RAB3GAP2: variants seen among roughly 807,000 people sequenced by gnomAD.
RAB3GAP2 encodes the protein rab3 GTPase-activating protein non-catalytic subunit.
Under a neutral mutation model 185.3 loss-of-function variants are expected in RAB3GAP2, and 87 were observed. The ratio of observed to expected loss-of-function variants is 0.47; its 90% CI spans 0.39 to 0.56. The LOEUF is 0.56. Among genes scored for constraint, RAB3GAP2 ranks in the 20% least tolerant of loss-of-function variants. RAB3GAP2 has a pLI of 0.00. For missense variants in RAB3GAP2, 1,492 were observed against 1,638.2 expected, an observed-to-expected ratio of 0.91 and a Z score of 1.54; for synonymous variants, 554 against 576.1, an observed-to-expected ratio of 0.96 and a Z score of 0.55.
chr1:220,204,494 T>C (rs1245751126), intron 8 of RAB3GAP2, among the ~76,000 whole-genome samples: 2 of 152,190 alleles, frequency 1.3e-5, no homozygotes, highest in African/African-American at 2.4e-5. Context: ...CATTTAATTT[T>C]TCACCAAAGT....
At chr1:220,200,454 A>AT (rs1472614737) in intron 9 of RAB3GAP2, 1 of 407,508 alleles carries the variant, frequency 2.5e-6, no homozygotes, top group Non-Finnish European at 5.1e-6. Context: ...TCTAGCACAA[A>AT]TATTAATAGG....
chr1:220,196,643 C>T (rs939363884), intron 9 of RAB3GAP2, among the ~76,000 whole-genome samples: 1 of 151,716 alleles, frequency 6.6e-6, no homozygotes, highest in African/African-American at 2.4e-5. Flanking sequence ...TCAGCCTGGC[C>T]AACATGGTGA....
At chr1:220,188,862 A>G (rs1197592038) in intron 17 of RAB3GAP2, among the ~76,000 whole-genome samples, 1 of 152,206 alleles carries the variant, frequency 6.6e-6, no homozygotes, top group African/African-American at 2.4e-5. Flanking sequence ...TGAATCAATT[A>G]TAACTATAAC....
rs576645909 is a variant in RAB3GAP2, at chr1:220,210,580, A to G, written c.511-91T>C. ...AGGCAAAGAGTACCATTTCCCCAACAGTTTTCCAGAGATACCAGGTACACT... is the reference window on the plus strand; with the variant it reads ...AGGCAAAGAGTACCATTTCCCCAACGGTTTTCCAGAGATACCAGGTACACT... On this transcript the variant is annotated intron_variant, in intron 6 of 34. Transcript: ENST00000358951. 11 of 1,075,266 alleles carry G rather than the reference A, an allele frequency of 1.0e-5. No homozygotes were observed. In the African/African-American group the frequency reaches 1.1e-4, roughly 11 times the overall value. The allele number at this position is 1,075,266 out of a possible 1,614,324, so 66.6% of individuals were successfully genotyped here.
chr1:220,217,277 A>G (rs1213128536), intron 2 of RAB3GAP2, among the ~76,000 whole-genome samples: 1 of 152,146 alleles, frequency 6.6e-6, no homozygotes, highest in Non-Finnish European at 1.5e-5. Context: ...CTCCAAAAGA[A>G]CTACTGTATT....
intron 12 of RAB3GAP2, 85 bp downstream of exon 12, chr1:220,194,993 C>G (rs1658696013): frequency 7.5e-7 from 1 of 1,335,014 alleles, no homozygotes; most frequent in Admixed American, 1.7e-5. Flanking sequence ...ACAAGATCAG[C>G]AAATCAACCA....
chr1:220,245,449 G>A (rs574375695), intron 1 of RAB3GAP2, among the ~76,000 whole-genome samples: 12 of 152,296 alleles, frequency 7.9e-5, no homozygotes, highest in African/African-American at 2.4e-4. Flanking sequence ...CGAATATTGC[G>A]CTTTTCAGAC....
At chr1:220,156,631 C>A (rs1022057338) in intron 31 of RAB3GAP2, among the ~76,000 whole-genome samples, 3 of 152,216 alleles carry the variant, frequency 2.0e-5, no homozygotes, top group Admixed American at 2.0e-4. Flanking sequence ...TAAGAAAGGG[C>A]TGTTGTAATA....
chr1:220,243,649 G>T (rs1659741856), intron 1 of RAB3GAP2, among the ~76,000 whole-genome samples: 2 of 152,292 alleles, frequency 1.3e-5, no homozygotes, highest in Middle Eastern at 3.4e-3. Context: ...ATTTGAGATA[G>T]TCTTTTGAAT....
At chr1:220,167,230 C>A (rs988955499) in intron 26 of RAB3GAP2, 63 bp downstream of exon 26, 1 of 1,394,354 alleles carries the variant, frequency 7.2e-7, no homozygotes, top group African/African-American at 1.4e-5. Context: ...TAGACGGTCC[C>A]CATATATGAA....
intron 2 of RAB3GAP2, among the ~76,000 whole-genome samples, chr1:220,231,773 G>A (rs1457204961): frequency 3.3e-5 from 5 of 152,210 alleles, no homozygotes; most frequent in Admixed American, 3.3e-4. Flanking sequence ...AAAGAGTCAT[G>A]AAAAGCCCAA....
chr1:220,194,963 G>A (rs745698788), intron 12 of RAB3GAP2, 115 bp downstream of exon 12: 214 of 1,034,510 alleles, frequency 2.1e-4, no homozygotes, highest in Admixed American at 3.8e-4. Context: ...CCACTGTAAT[G>A]GCTTTCAGAA....
At chr1:220,209,537 G>A (rs1659040015) in intron 7 of RAB3GAP2, among the ~76,000 whole-genome samples, 2 of 151,992 alleles carry the variant, frequency 1.3e-5, no homozygotes, top group Non-Finnish European at 2.9e-5. Context: ...ACTGTATTCT[G>A]TCCAAATAAA....
At chr1:220,227,367 T>C (rs1249478787) in intron 2 of RAB3GAP2, among the ~76,000 whole-genome samples, 1 of 152,210 alleles carries the variant, frequency 6.6e-6, no homozygotes, top group Non-Finnish European at 1.5e-5. Flanking sequence ...AGAGGCTTTC[T>C]CCTTTCCTAA....
intron 30 of RAB3GAP2, 139 bp downstream of exon 30, chr1:220,157,663 C>T: frequency 9.7e-7 from 1 of 1,033,478 alleles, no homozygotes; most frequent in Non-Finnish European, 1.5e-6. Context: ...AACATCACTA[C>T]CTTCTGGGCT....
At chr1:220,191,619 G>A (rs897253100) in intron 13 of RAB3GAP2, among the ~76,000 whole-genome samples, 3 of 151,900 alleles carry the variant, frequency 2.0e-5, no homozygotes, top group African/African-American at 7.3e-5. Flanking sequence ...AGGAGTTCGA[G>A]ACCAGCCTGA....
At chr1:220,247,960 T>C (rs933288055) in intron 1 of RAB3GAP2, among the ~76,000 whole-genome samples, 2 of 151,772 alleles carry the variant, frequency 1.3e-5, no homozygotes, top group African/African-American at 4.8e-5. Context: ...AAAATTAGAC[T>C]TGATAAAGAG....
At chr1:220,210,352 C>T (rs1330724175) in intron 7 of RAB3GAP2, 36 bp downstream of exon 7, 1 of 1,455,570 alleles carries the variant, frequency 6.9e-7, no homozygotes, top group South Asian at 1.1e-5. Flanking sequence ...CAAAATAATG[C>T]CACTGTTACT....
At position 220,233,538 on chromosome 1, in the gene RAB3GAP2, GA is replaced by G. The variant is rs1390216946; in HGVS notation, c.116-676del. On this transcript the variant is annotated intron_variant, in intron 1 of 34. Transcript: ENST00000358951. The stretch of plus-strand genomic sequence containing the variant: ...AGTCATCTTTTAATTTATCAGAAGA[GA>G]AAAAGCTATCATTTTTGAACAACTA... Among the ~76,000 whole-genome samples, 5 of 152,246 alleles carry G rather than the reference GA, an allele frequency of 3.3e-5. No homozygotes were observed. The East Asian group carries it at 9.6e-4, about 29-fold the overall frequency.
Sources: gnomAD v4.1 joint callset for allele counts (sites outside exome capture counted in the v4.1 genomes callset) on GRCh38, gnomAD v4.1.1 for gene constraint, MANE v1.5 for transcripts, NCBI Gene and HGNC (gene_info 2026-07-23, HGNC 2026-07-21) for gene names.